Variants in DCDC1 observed in about 807,000 individuals in gnomAD.
DCDC1 encodes the protein doublecortin domain-containing protein 1.
In DCDC1, 200 loss-of-function variants were observed where a neutral mutation model predicts 178.3. That is an observed-to-expected ratio of 1.12 (90% CI 1.00 to 1.26). The LOEUF (loss-of-function observed/expected upper bound fraction) is 1.26. Among genes scored for constraint, DCDC1 ranks in the 50% most tolerant of loss-of-function variants. The probability of loss-of-function intolerance (pLI) is 0.00; values close to 1 mark genes in which losing one functional copy is unlikely to be tolerated. For missense variants in DCDC1, 1,983 were observed against 1,749.2 expected (o/e 1.13, Z -2.38); for synonymous variants, 690 against 604.8 (o/e 1.14, Z -2.07).
intron 8 of DCDC1, among the ~76,000 whole-genome samples, chr11:31,248,025 A>G (rs947674821): frequency 6.6e-6 from 1 of 152,158 alleles, no homozygotes; most frequent in East Asian, 1.9e-4. Context: ...AATACATAAA[A>G]TTGAAAATGC....
intron 38 of DCDC1, among the ~76,000 whole-genome samples, chr11:30,870,863 C>T (rs984923864): frequency 2.0e-5 from 3 of 152,192 alleles, no homozygotes; most frequent in African/African-American, 7.2e-5. Flanking sequence ...GGAATAGTGA[C>T]AGCCTAGCTG....
intron 20 of DCDC1, among the ~76,000 whole-genome samples, chr11:30,991,356 G>T (rs540747747): frequency 4.6e-5 from 7 of 152,104 alleles, no homozygotes; most frequent in African/African-American, 1.7e-4. Context: ...AGAGACAAAG[G>T]GGTCCCATGC....
At chr11:31,337,418 C>T (rs530244360) in intron 1 of DCDC1, among the ~76,000 whole-genome samples, 44 of 152,304 alleles carry the variant, frequency 2.9e-4, no homozygotes, top group Middle Eastern at 3.4e-3. Context: ...CCTGTAATCC[C>T]GACACTGTGG....
intron 9 of DCDC1, among the ~76,000 whole-genome samples, chr11:31,211,670 T>C (rs1414469715): frequency 2.0e-5 from 3 of 152,182 alleles, no homozygotes; most frequent in African/African-American, 4.8e-5. Flanking sequence ...TGGTGCAGTT[T>C]TCCTTTCGTA....
At chr11:31,329,394 AT>A (rs143152351) in intron 2 of DCDC1, among the ~76,000 whole-genome samples, 43,895 of 151,302 alleles carry the variant, frequency 0.29, 7,123 homozygotes, top group Non-Finnish European at 0.36. Flanking sequence ...GGGATTTTCC[AT>A]TTTTTTTTAT....
At chr11:31,228,813 A>T (rs1187280454) in intron 9 of DCDC1, among the ~76,000 whole-genome samples, 1 of 152,222 alleles carries the variant, frequency 6.6e-6, no homozygotes. Flanking sequence ...TCCTTCAAAG[A>T]TCATTAAACT....
At position 31,072,517 on chromosome 11, in the gene DCDC1, G is replaced by C. The variant is rs201178776; in HGVS notation, c.2298+5348C>G. Among the ~76,000 whole-genome samples the C allele has an allele frequency of 7.2e-5, 11 of 152,042 alleles. No homozygotes were observed. The East Asian group carries it at 2.1e-3, about 29-fold the overall frequency. On this transcript the variant is annotated intron_variant, in intron 18 of 38. Transcript: ENST00000684477. ...ACACTTATGAAGATGTACTTATGAA[G>C]ATGTACTTATGAAGATGTCTACTCA...
At chr11:31,061,546 T>A (rs1955919040) in intron 20 of DCDC1, among the ~76,000 whole-genome samples, 2 of 151,486 alleles carry the variant, frequency 1.3e-5, no homozygotes, top group African/African-American at 4.9e-5. Flanking sequence ...TGTAGATAAA[T>A]CCCTGCCTTA....
At chr11:31,285,439 G>T in intron 7 of DCDC1, among the ~76,000 whole-genome samples, 1 of 151,958 alleles carries the variant, frequency 6.6e-6, no homozygotes, top group East Asian at 1.9e-4. Context: ...TGCTACCCCA[G>T]GTTCTCCTTT....
chr11:31,008,526 C>A (rs1951987084), intron 20 of DCDC1, among the ~76,000 whole-genome samples: 1 of 152,176 alleles, frequency 6.6e-6, no homozygotes, highest in Non-Finnish European at 1.5e-5. Flanking sequence ...ACAGGTGTTT[C>A]AAATGTTTCT....
intron 20 of DCDC1, among the ~76,000 whole-genome samples, chr11:31,025,266 T>C (rs1026427362): frequency 1.3e-5 from 2 of 151,696 alleles, no homozygotes; most frequent in African/African-American, 4.8e-5. Context: ...GAGACCTATA[T>C]TAAAGCTCCC....
intron 1 of DCDC1, among the ~76,000 whole-genome samples, chr11:31,347,699 T>C (rs1950884516): frequency 6.6e-6 from 1 of 152,108 alleles, no homozygotes. Flanking sequence ...TAATAATGTG[T>C]TGTAAGAACC....
chr11:31,063,848 T>C (rs1394923444), intron 20 of DCDC1, among the ~76,000 whole-genome samples: 1 of 152,168 alleles, frequency 6.6e-6, no homozygotes, highest in East Asian at 1.9e-4. Flanking sequence ...TAGATTAAAA[T>C]TGCAATTTAT....
intron 20 of DCDC1, among the ~76,000 whole-genome samples, chr11:31,050,271 T>C (rs1485096313): frequency 6.6e-6 from 1 of 151,554 alleles, no homozygotes; most frequent in Non-Finnish European, 1.5e-5. Flanking sequence ...CTCAGCAGAG[T>C]CAGCCATAAT....
At chr11:30,973,548 A>C (rs1285998178) in intron 20 of DCDC1, among the ~76,000 whole-genome samples, 1 of 152,218 alleles carries the variant, frequency 6.6e-6, no homozygotes, top group Non-Finnish European at 1.5e-5. Flanking sequence ...CTGAAAGTAA[A>C]GGAGTCGAAA....
At chr11:30,924,356 G>A (rs1487357442) in intron 23 of DCDC1, among the ~76,000 whole-genome samples, 1 of 152,192 alleles carries the variant, frequency 6.6e-6, no homozygotes, top group African/African-American at 2.4e-5. Flanking sequence ...TTCTGTTTAA[G>A]ACTCTCTCCA....
chr11:30,865,923 A>G (rs1440005355), intron 38 of DCDC1, among the ~76,000 whole-genome samples: 1 of 152,130 alleles, frequency 6.6e-6, no homozygotes, highest in Non-Finnish European at 1.5e-5. Flanking sequence ...GATTTTTGTT[A>G]CTGATTATTA....
At chr11:30,999,204 A>G (rs1237126985) in intron 20 of DCDC1, among the ~76,000 whole-genome samples, 1 of 152,204 alleles carries the variant, frequency 6.6e-6, no homozygotes, top group African/African-American at 2.4e-5. Flanking sequence ...CTGGGAAAAG[A>G]AAAGGTAACA....
Position 30,968,332 on chromosome 11 carries a change from C to G in DCDC1, c.2592-15764G>C, listed in dbSNP as rs186159874. Among the ~76,000 whole-genome samples the G allele has an allele frequency of 1.4e-3, 218 of 152,172 alleles. 1 individual carries two copies. The highest frequency in any genetic ancestry group is 4.6e-3 in the African/African-American group (193 of 41,514). On this transcript the variant is annotated intron_variant, in intron 20 of 38. Coordinates refer to ENST00000684477, the MANE Select transcript of DCDC1 (RefSeq NM_001387274.1). ...CCCATAGGACACATTCTGCTATTTA[C>G]TCAATGAATGAATAAGTTAACCTGG...
Sources: allele counts gnomAD v4.1 joint callset (sites outside exome capture counted in the v4.1 genomes callset), GRCh38; gene constraint gnomAD v4.1.1; transcripts MANE v1.5; gene names NCBI Gene and HGNC (gene_info 2026-07-23, HGNC 2026-07-21).